OSBPL6: variants seen among roughly 807,000 people sequenced by gnomAD.
OSBPL6 encodes oxysterol-binding protein-related protein 6.
OSBPL6 carries 49 observed loss-of-function variants against 125.8 expected under a neutral mutation model. The ratio of observed to expected loss-of-function variants is 0.39; its 90% CI spans 0.31 to 0.49. The LOEUF (loss-of-function observed/expected upper bound fraction) is 0.49, where lower values mean the gene tolerates loss of function less well. Ranked by LOEUF, OSBPL6 falls within the 20% of genes least tolerant of loss-of-function variation. The probability of loss-of-function intolerance (pLI) is 0.88; values close to 1 mark genes in which losing one functional copy is unlikely to be tolerated. For missense variants in OSBPL6, 986 were observed against 1,135.4 expected, an observed-to-expected ratio of 0.87 and a Z score of 1.89; for synonymous variants, 394 against 391.8, an observed-to-expected ratio of 1.01 and a Z score of -0.07.
At chr2:178,322,583 A>G (rs1010125642) in intron 3 of OSBPL6, among the ~76,000 whole-genome samples, 8 of 152,196 alleles carry the variant, frequency 5.3e-5, no homozygotes, top group African/African-American at 9.7e-5. Context: ...TGAACTATGA[A>G]TGAATAAATA....
At chr2:178,232,187 CT>C (rs1188005107) in intron 1 of OSBPL6, among the ~76,000 whole-genome samples, 1 of 152,140 alleles carries the variant, frequency 6.6e-6, no homozygotes, top group Non-Finnish European at 1.5e-5. Context: ...ATTCTAGAAT[CT>C]GGTCTAAGAT....
intron 2 of OSBPL6, among the ~76,000 whole-genome samples, chr2:178,293,127 C>G (rs1236268026): frequency 1.3e-5 from 2 of 151,810 alleles, no homozygotes; most frequent in Non-Finnish European, 2.9e-5. Flanking sequence ...TGGGAACTTC[C>G]CATAGTATTT....
intron 15 of OSBPL6, among the ~76,000 whole-genome samples, chr2:178,378,765 A>G (rs1694128951): frequency 6.6e-6 from 1 of 152,212 alleles, no homozygotes; most frequent in Non-Finnish European, 1.5e-5. Context: ...TACTGCACAC[A>G]TGTGACATGT....
At chr2:178,265,135 GC>G (rs2092189330) in intron 1 of OSBPL6, among the ~76,000 whole-genome samples, 1 of 138,382 alleles carries the variant, frequency 7.2e-6, no homozygotes, top group Non-Finnish European at 1.5e-5. Context: ...TCCTGCCTTG[GC>G]CTCCCAAAGT....
chr2:178,321,382 A>G lies in OSBPL6; in HGVS notation c.103-2795A>G, dbSNP rs193242311. Among the ~76,000 whole-genome samples the G allele has an allele frequency of 2.7e-3, 415 of 152,286 alleles. 5 individuals carry two copies. The highest frequency in any genetic ancestry group is 1.1e-3 in the Non-Finnish European group (75 of 68,016). ...ATCTAGCTAGAGGCCAGGACTGGGT[A>G]TGGTCAGTTTAAACTGTCTTCTTTA... On this transcript the variant is annotated intron_variant, in intron 3 of 24. Coordinates refer to ENST00000190611, the MANE Select transcript of OSBPL6 (RefSeq NM_032523.4).
At chr2:178,393,271 A>G (rs768769019) in intron 23 of OSBPL6, among the ~76,000 whole-genome samples, 4 of 152,222 alleles carry the variant, frequency 2.6e-5, no homozygotes, top group Non-Finnish European at 4.4e-5. Flanking sequence ...AAATGCTTTG[A>G]GTGCAAGTCT....
intron 1 of OSBPL6, among the ~76,000 whole-genome samples, chr2:178,247,568 A>G (rs927374826): frequency 2.0e-5 from 3 of 152,096 alleles, no homozygotes; most frequent in Non-Finnish European, 4.4e-5. Context: ...TTCACTGTGC[A>G]GTGTTTTCAA....
At chr2:178,394,944 G>A (rs1167078009) in intron 24 of OSBPL6, among the ~76,000 whole-genome samples, 1 of 152,170 alleles carries the variant, frequency 6.6e-6, no homozygotes, top group Non-Finnish European at 1.5e-5. Flanking sequence ...GCCCTCCAGA[G>A]CCAGGACAAA....
At chr2:178,202,149 A>T (rs2153937786) in intron 1 of OSBPL6, among the ~76,000 whole-genome samples, 1 of 152,274 alleles carries the variant, frequency 6.6e-6, no homozygotes, top group South Asian at 2.1e-4. Context: ...CTTTTGTTTG[A>T]AAAGTTATCT....
intron 11 of OSBPL6, among the ~76,000 whole-genome samples, chr2:178,343,402 A>G (rs1270779519): frequency 6.6e-6 from 1 of 152,086 alleles, no homozygotes; most frequent in Non-Finnish European, 1.5e-5. Context: ...AGAAAAAAAA[A>G]AGTATTGCTC....
chr2:178,251,782 A>C (rs1308383316), intron 1 of OSBPL6, among the ~76,000 whole-genome samples: 1 of 152,160 alleles, frequency 6.6e-6, no homozygotes, highest in East Asian at 1.9e-4. Flanking sequence ...AAATGGAGAC[A>C]ATTTCCTTTT....
intron 2 of OSBPL6, among the ~76,000 whole-genome samples, chr2:178,285,630 G>C (rs1234370196): frequency 2.6e-5 from 4 of 152,146 alleles, no homozygotes; most frequent in Non-Finnish European, 1.5e-5. Context: ...TGGTATCCTT[G>C]TCATCTTTGA....
chr2:178,330,607 A>G (rs1030439479), intron 5 of OSBPL6, among the ~76,000 whole-genome samples: 1 of 152,196 alleles, frequency 6.6e-6, no homozygotes, highest in Non-Finnish European at 1.5e-5. Context: ...TTCTCTGTGC[A>G]GAACTCACAG....
At chr2:178,331,728 G>T in intron 6 of OSBPL6, 123 bp downstream of exon 6, 1 of 982,852 alleles carries the variant, frequency 1.0e-6, no homozygotes, top group Non-Finnish European at 1.6e-6. Context: ...GGGCCTGTAA[G>T]ATTTCACAAG....
chr2:178,384,453 A>G (rs972795585), intron 18 of OSBPL6, among the ~76,000 whole-genome samples: 10 of 152,364 alleles, frequency 6.6e-5, no homozygotes, highest in African/African-American at 1.9e-4. Context: ...CCATCAATCA[A>G]TATATGTAAG....
At chr2:178,334,479 G>A (rs1018894814) in intron 8 of OSBPL6, among the ~76,000 whole-genome samples, 10 of 152,028 alleles carry the variant, frequency 6.6e-5, no homozygotes, top group African/African-American at 1.9e-4. Flanking sequence ...TCCTATTAAC[G>A]ATGTTAAAAT....
chr2:178,265,229 T>A (rs113524834), intron 1 of OSBPL6, among the ~76,000 whole-genome samples: 232 of 108,862 alleles, frequency 2.1e-3, no homozygotes, highest in Non-Finnish European at 3.3e-3. Flanking sequence ...TTTTTTTTTT[T>A]AAGATAGCAT....
At chr2:178,196,115 A>G (rs2088872191) in intron 1 of OSBPL6, among the ~76,000 whole-genome samples, 1 of 152,172 alleles carries the variant, frequency 6.6e-6, no homozygotes, top group East Asian at 1.9e-4. Context: ...ACAAAGACTA[A>G]TAATAAATGA....
At chr2:178,265,066 G>T (rs1267622569) in intron 1 of OSBPL6, among the ~76,000 whole-genome samples, 1 of 150,026 alleles carries the variant, frequency 6.7e-6, no homozygotes, top group Non-Finnish European at 1.5e-5. Context: ...TAGAGATGAG[G>T]TCTTACTCTG....
Sources: gnomAD v4.1 joint callset for allele counts (sites outside exome capture counted in the v4.1 genomes callset) on GRCh38, gnomAD v4.1.1 for gene constraint, MANE v1.5 for transcripts, NCBI Gene and HGNC (gene_info 2026-07-23, HGNC 2026-07-21) for gene names.